ALG10B: variants seen among roughly 807,000 people sequenced by gnomAD.
ALG10B encodes the protein dol-P-Glc:Glc(2)Man(9)GlcNAc(2)-PP-Dol alpha-1,2-glucosyltransferase B.
ALG10B carries 27 observed loss-of-function variants against 38.7 expected under a neutral mutation model. The observed-to-expected ratio is 0.70, with a 90% CI of 0.51 to 0.96. The LOEUF (loss-of-function observed/expected upper bound fraction) is 0.96. Ranked by LOEUF, ALG10B falls within the 40% of genes least tolerant of loss-of-function variation. ALG10B has a pLI of 0.00. For missense variants in ALG10B, 522 were observed against 542.7 expected (o/e 0.96, Z 0.38); for synonymous variants, 177 against 193.3 (o/e 0.92, Z 0.70).
rs1945722879 is a variant in ALG10B at position 38,324,014 on chromosome 12, A to G, written c.*2801A>G. 8.7e-6 allele frequency: 6 copies of G among 687,572 alleles called. No individual in the cohort carries two copies. The East Asian group carries it at 1.3e-4, about 15-fold the overall frequency. The allele number at this position is 687,572 out of a possible 1,614,324, so 42.6% of individuals were successfully genotyped here. ...AAGAAGACTGCTCTTTGGAGGGATC[A>G]CTGTTCTATATCTTTTTTTGTTTGT... On this transcript the variant is annotated 3_prime_UTR_variant, in exon 3 of 3. Transcript: ENST00000308742.
Position 38,325,228 on chromosome 12 carries a change from T to G in ALG10B, c.*4015T>G, listed in dbSNP as rs190683009. 6.6e-6 allele frequency: 1 copy of G among 152,360 alleles called. No individual in the cohort carries two copies. The highest frequency in any genetic ancestry group is 2.4e-5 in the African/African-American group (1 of 41,588). The allele number at this position is 152,360 out of a possible 1,614,324, so 9.4% of individuals were successfully genotyped here. A position where few individuals can be genotyped will look rare whatever the true frequency, so the allele number is the denominator to read the frequency against. Reference sequence around the variant, plus strand: ...TCTCATTTTGGCAAGATAAATTATTTTAGCTGTCTGGCCTTTTCTTTGTCT... The same window carrying G: ...TCTCATTTTGGCAAGATAAATTATTGTAGCTGTCTGGCCTTTTCTTTGTCT... On this transcript the variant is annotated 3_prime_UTR_variant, in exon 3 of 3. Coordinates refer to ENST00000308742, the MANE Select transcript of ALG10B (RefSeq NM_001013620.4).
Position 38,329,126 on chromosome 12 carries a change from T to C in ALG10B, c.*7913T>C, listed in dbSNP as rs1205134552. The C allele has an allele frequency of 1.8e-5, 7 of 398,218 alleles. No individual in the cohort carries two copies. Among genetic ancestry groups the C allele is most frequent in the Non-Finnish European group, 2.7e-5 (6 of 225,804 alleles). The allele number at this position is 398,218 out of a possible 1,614,324, so 24.7% of individuals were successfully genotyped here. On this transcript the variant is annotated 3_prime_UTR_variant, in exon 3 of 3. Coordinates refer to ENST00000308742, the MANE Select transcript of ALG10B (RefSeq NM_001013620.4). ...TAGAAGGAAAAATTGTCGCAAGTAA[T>C]GTGATTATACTTCCTAGTTTTATAG...
chr12:38,320,878 T>C lies in ALG10B; in HGVS notation c.1087T>C (p.Phe363Leu). 6.2e-7 allele frequency: 1 copy of C among 1,613,804 alleles called. No individual in the cohort carries two copies. Among genetic ancestry groups the C allele is most frequent in the Non-Finnish European group, 8.5e-7 (1 of 1,179,866 alleles). The change falls in exon 3 of 3, where the codon TTT becomes CTT. Residue 363 changes from phenylalanine (F) to leucine (L), a missense_variant. Physicochemically the swap from Phe to Leu is conservative, Grantham distance 22. Transcript: ENST00000308742. ...TACTTTCTATGTGTGGAAAAGAGTT[T>C]TTCAAAGATATGCAATTCTGAAATA... The part of the protein sequence containing the change: ...HYTFYVWKRV[F>L]QRYAILKYLL...
At chr12:38,317,409 C>T (rs1204737923) in intron 1 of ALG10B, 1 of 320,846 alleles carries the variant, frequency 3.1e-6, no homozygotes, top group Non-Finnish European at 5.8e-6. Flanking sequence ...TATCAGAAAA[C>T]TTCCCTTTAG....
chr12:38,321,402 A>G lies in ALG10B; in HGVS notation c.*189A>G. ...AGTGGCAAAGAACTGGGAAAGCTTA[A>G]GACCTGCTTCAAAAGCCTGAATAAT... On this transcript the variant is annotated 3_prime_UTR_variant, in exon 3 of 3. Transcript: ENST00000308742. 1 of 515,578 alleles carries G rather than the reference A, an allele frequency of 1.9e-6. No individual in the cohort carries two copies. The highest frequency in any genetic ancestry group is 3.2e-6 in the Non-Finnish European group (1 of 316,812). The allele number at this position is 515,578 out of a possible 1,614,324, so 31.9% of individuals were successfully genotyped here.
rs1264375123 is a variant in ALG10B, at chr12:38,321,177, G to A, written c.1386G>A (p.Trp462Ter). 4.3e-6 allele frequency: 7 copies of A among 1,612,144 alleles called. No homozygotes were observed. The highest frequency in any genetic ancestry group is 5.9e-6 in the Non-Finnish European group (7 of 1,179,236). ...FYIFLNKTFQ[W>*]PNSQDIQRFM... Reference sequence around the variant, plus strand: ...TCTTTCTGAACAAGACTTTTCAGTGGCCAAATAGTCAGGACATTCAAAGGT... The same window carrying A: ...TCTTTCTGAACAAGACTTTTCAGTGACCAAATAGTCAGGACATTCAAAGGT... The change falls in exon 3 of 3, where the codon TGG becomes TGA. Residue 462 changes from tryptophan to a stop codon, truncating the protein, a stop_gained. Coordinates refer to ENST00000308742, the MANE Select transcript of ALG10B (RefSeq NM_001013620.4). LOFTEE classifies it high-confidence loss of function.
At position 38,328,992 on chromosome 12, in the gene ALG10B, G is replaced by C. The variant is rs1447732635; in HGVS notation, c.*7779G>C. 1.5e-5 allele frequency: 6 copies of C among 387,668 alleles called. No homozygotes were observed. The highest frequency in any genetic ancestry group is 3.6e-5 in the East Asian group (1 of 27,438). 24.0% of individuals were successfully genotyped at this position (387,668 alleles called of 1,614,324 possible). A position where few individuals can be genotyped will look rare whatever the true frequency, so the allele number is the denominator to read the frequency against. ...TTTTTTCCAAGATTACAAAATAACT[G>C]TCTGAGCTGGGATTCGTAACCAGGC... On this transcript the variant is annotated 3_prime_UTR_variant, in exon 3 of 3. Coordinates refer to ENST00000308742, the MANE Select transcript of ALG10B (RefSeq NM_001013620.4).
In ALG10B at chr12:38,318,338, T is replaced by C; in HGVS notation, c.249T>C (p.Phe83=). 6.2e-7 allele frequency: 1 copy of C among 1,614,178 alleles called. No homozygotes were observed. The highest frequency in any genetic ancestry group is 1.1e-5 in the South Asian group (1 of 91,078). Residue 83 remains phenylalanine (F), a synonymous_variant, in exon 2 of 3, where the codon TTT becomes TTC. Coordinates refer to ENST00000308742, the MANE Select transcript of ALG10B (RefSeq NM_001013620.4). ...TGGTCAAACCTGCCATTTGGATCTTTGCATGGTCTGAACATGTTGTCTGCT... is the reference window on the plus strand; with the variant it reads ...TGGTCAAACCTGCCATTTGGATCTTCGCATGGTCTGAACATGTTGTCTGCT... ...VGVVKPAIWI[F]AWSEHVVCSI...
At position 38,326,292 on chromosome 12, in the gene ALG10B, C is replaced by T. The variant is rs564319373; in HGVS notation, c.*5079C>T. On this transcript the variant is annotated 3_prime_UTR_variant, in exon 3 of 3. Coordinates refer to ENST00000308742, the MANE Select transcript of ALG10B (RefSeq NM_001013620.4). ...CCAAGATGGTTCTTCCAGTGTGGCC[C>T]AGGGAAGCCAAAAGATTGGAGACCC... The T allele has an allele frequency of 1.3e-5, 2 of 151,506 alleles. No individual in the cohort carries two copies. The highest frequency in any genetic ancestry group is 6.6e-5 in the Admixed American group (1 of 15,232). 9.4% of individuals were successfully genotyped at this position (151,506 alleles called of 1,614,324 possible).
intron 1 of ALG10B, 117 bp from the exon 2 acceptor site, chr12:38,318,144 A>G: frequency 7.5e-7 from 1 of 1,335,764 alleles, no homozygotes; most frequent in Non-Finnish European, 1.1e-6. Flanking sequence ...ATCTTGTCAT[A>G]GACTAACTTC....
chr12:38,317,946 C>T (rs1945669293), intron 1 of ALG10B: 4 of 384,336 alleles, frequency 1.0e-5, no homozygotes, highest in Admixed American at 4.0e-5. Flanking sequence ...ACAATGTTTC[C>T]ATGCTTTTAA....
At position 38,320,466 on chromosome 12, in the gene ALG10B, ACC is replaced by A. The variant is rs769193113; in HGVS notation, c.676_677del (p.Pro226IlefsTer19). On this transcript the variant is annotated frameshift_variant, in exon 3 of 3. Transcript: ENST00000308742. LOFTEE classifies it high-confidence loss of function. ...AAGACAGACTTCCACCTATTAAAGGACCATTTGCAGAATTCAGAAAAATTCTT... is the reference window on the plus strand; with the variant it reads ...AAGACAGACTTCCACCTATTAAAGGAATTTGCAGAATTCAGAAAAATTCTT... ...KEDRLPPIKG[P>X]FAEFRKILQF... 3 of 1,613,984 alleles carry A rather than the reference ACC, an allele frequency of 1.9e-6. No individual in the cohort carries two copies. In the African/African-American group the frequency reaches 4.0e-5, roughly 22 times the overall value.
intron 2 of ALG10B, among the ~76,000 whole-genome samples, chr12:38,319,899 C>G (rs542155356): frequency 1.5e-4 from 23 of 152,240 alleles, no homozygotes; most frequent in African/African-American, 5.3e-4. Context: ...CTAATCATAG[C>G]CTGATTCAAA....
chr12:38,318,631 G>T (rs745399788), intron 2 of ALG10B, among the ~76,000 whole-genome samples, 173 bp downstream of exon 2: 1 of 152,134 alleles, frequency 6.6e-6, no homozygotes, highest in Admixed American at 6.5e-5. Flanking sequence ...GAATAAATTT[G>T]TATTTAAATA....
In ALG10B at chr12:38,320,637, T is replaced by C; in HGVS notation, c.846T>C (p.His282=). The change falls in exon 3 of 3, where the codon CAT becomes CAC. Residue 282 remains histidine, a synonymous_variant. Transcript: ENST00000308742. ...GGIVIGDRSS[H]EACLHFPQLF... ...TTGTTATTGGCGATCGGAGTAGTCA[T>C]GAAGCCTGTCTTCATTTTCCTCAAC... 1.2e-6 allele frequency: 2 copies of C among 1,613,884 alleles called. No individual in the cohort carries two copies. Among genetic ancestry groups the C allele is most frequent in the Non-Finnish European group, 1.7e-6 (2 of 1,179,814 alleles).
At chr12:38,317,132 C>G in intron 1 of ALG10B, 68 bp downstream of exon 1, 2 of 1,608,074 alleles carry the variant, frequency 1.2e-6, no homozygotes, top group Non-Finnish European at 1.7e-6. Context: ...AGCTCCTTCT[C>G]CCATCTTTAG....
At chr12:38,319,978 C>T (rs1945686947) in intron 2 of ALG10B, among the ~76,000 whole-genome samples, 183 bp from the exon 3 acceptor site, 1 of 152,096 alleles carries the variant, frequency 6.6e-6, no homozygotes, top group South Asian at 2.1e-4. Context: ...TAAAAAGTAC[C>T]AGGAAGTGTT....
At chr12:38,317,166 C>A (rs1945663373) in intron 1 of ALG10B, 102 bp downstream of exon 1, 1 of 1,533,292 alleles carries the variant, frequency 6.5e-7, no homozygotes, top group East Asian at 2.3e-5. Flanking sequence ...CTTTCCACCC[C>A]ACCCCAGCCT....
intron 1 of ALG10B, 107 bp from the exon 2 acceptor site, chr12:38,318,154 C>A (rs1204119903): frequency 7.1e-7 from 1 of 1,415,576 alleles, no homozygotes; most frequent in African/African-American, 1.4e-5. Context: ...AGACTAACTT[C>A]TCAAAATTTC....
Sources: gnomAD v4.1 joint callset for allele counts (sites outside exome capture counted in the v4.1 genomes callset) on GRCh38, gnomAD v4.1.1 for gene constraint, MANE v1.5 for transcripts, NCBI Gene and HGNC (gene_info 2026-07-23, HGNC 2026-07-21) for gene names.